The following FSTL5 variants were observed in gnomAD, a reference collection of about 807,000 sequenced individuals.
FSTL5 encodes the protein follistatin like 5.
FSTL5 carries 62 observed loss-of-function variants against 89.1 expected under a neutral mutation model. The observed-to-expected ratio is 0.70, with a 90% confidence interval of 0.57 to 0.86. The LOEUF (loss-of-function observed/expected upper bound fraction) is 0.86. Ranked by LOEUF, FSTL5 falls within the 40% of genes least tolerant of loss-of-function variation. The pLI is 0.00. For missense variants in FSTL5, 1,057 were observed against 1,001.6 expected, an observed-to-expected ratio of 1.06 and a Z score of -0.75; for synonymous variants, 383 against 346.2, an observed-to-expected ratio of 1.11 and a Z score of -1.18.
Position 161,607,373 on chromosome 4 carries a change from T to C in FSTL5, c.895-19798A>G, listed in dbSNP as rs1009563896. The stretch of plus-strand genomic sequence containing the variant: ...CTGCCTTTTTTAAGTCAGGAGAGAA[T>C]TGGGAGTTTTGCTGTGCTAATTGCA... On this transcript the variant is annotated intron_variant, in intron 7 of 15. Transcript: ENST00000306100. Among the ~76,000 whole-genome samples the C allele has an allele frequency of 4.6e-5, 7 of 152,144 alleles. No homozygotes were observed. In the South Asian group the frequency reaches 8.3e-4, roughly 18 times the overall value.
At chr4:161,929,834 AG>A (rs1734238258) in intron 3 of FSTL5, among the ~76,000 whole-genome samples, 1 of 151,712 alleles carries the variant, frequency 6.6e-6, no homozygotes, top group African/African-American at 2.4e-5. Context: ...GGCTTCCCTC[AG>A]TCTCTCTGAC....
At chr4:161,677,779 T>C (rs753152233) in intron 6 of FSTL5, among the ~76,000 whole-genome samples, 1 of 151,946 alleles carries the variant, frequency 6.6e-6, no homozygotes, top group Non-Finnish European at 1.5e-5. Context: ...ACAATTATGT[T>C]GTAAAATAAA....
chr4:161,925,631 A>G (rs1734099826), intron 3 of FSTL5, among the ~76,000 whole-genome samples: 1 of 151,896 alleles, frequency 6.6e-6, no homozygotes, highest in South Asian at 2.1e-4. Context: ...TAAGAATATT[A>G]AGTAGAATAA....
chr4:161,571,544 A>T (rs1733010548), intron 8 of FSTL5, among the ~76,000 whole-genome samples: 2 of 152,180 alleles, frequency 1.3e-5, no homozygotes, highest in South Asian at 4.1e-4. Context: ...AATTAAGAAA[A>T]ATAGAGCATT....
chr4:161,666,052 C>CT (rs1380414876), intron 6 of FSTL5, among the ~76,000 whole-genome samples: 2 of 152,016 alleles, frequency 1.3e-5, no homozygotes, highest in Non-Finnish European at 2.9e-5. Context: ...TGACTTATAA[C>CT]TTTGACAACA....
At chr4:161,682,308 T>A (rs1737552450) in intron 6 of FSTL5, among the ~76,000 whole-genome samples, 1 of 152,160 alleles carries the variant, frequency 6.6e-6, no homozygotes, top group African/African-American at 2.4e-5. Flanking sequence ...CAAAGTTAAT[T>A]AAAACTTTCT....
At chr4:161,986,343 A>G (rs1735963070) in intron 3 of FSTL5, among the ~76,000 whole-genome samples, 1 of 152,146 alleles carries the variant, frequency 6.6e-6, no homozygotes, top group Non-Finnish European at 1.5e-5. Context: ...TAAGGTCAGG[A>G]CTTCAAGACC....
chr4:161,879,267 G>A (rs929291350), intron 4 of FSTL5, among the ~76,000 whole-genome samples: 9 of 152,068 alleles, frequency 5.9e-5, no homozygotes, highest in African/African-American at 2.2e-4. Flanking sequence ...CTATAAAATT[G>A]CTTTAAACAA....
At chr4:161,848,692 T>C (rs1351396186) in intron 4 of FSTL5, among the ~76,000 whole-genome samples, 1 of 152,182 alleles carries the variant, frequency 6.6e-6, no homozygotes, top group Non-Finnish European at 1.5e-5. Flanking sequence ...AATGTGTTGG[T>C]TCAAACTCTA....
chr4:162,011,506 T>C (rs1043828702), intron 3 of FSTL5, among the ~76,000 whole-genome samples: 4 of 152,120 alleles, frequency 2.6e-5, no homozygotes, highest in East Asian at 3.9e-4. Context: ...CTTTTTTTTT[T>C]CTTTGAGACA....
intron 3 of FSTL5, among the ~76,000 whole-genome samples, chr4:162,007,991 T>C (rs932707831): frequency 1.3e-4 from 19 of 151,806 alleles, no homozygotes; most frequent in Non-Finnish European, 1.3e-4. Context: ...AAGAGGAACT[T>C]TGGACAGTGT....
intron 2 of FSTL5, among the ~76,000 whole-genome samples, chr4:162,051,616 T>C (rs1738380484): frequency 6.6e-6 from 1 of 151,434 alleles, no homozygotes; most frequent in South Asian, 2.1e-4. Context: ...AAAAAACAAT[T>C]GGAGAAATTA....
intron 4 of FSTL5, among the ~76,000 whole-genome samples, chr4:161,788,718 C>T (rs1201341449): frequency 5.3e-5 from 8 of 152,038 alleles, no homozygotes; most frequent in Admixed American, 4.6e-4. Flanking sequence ...AGACCCCGCC[C>T]CTGTCTCTCC....
At chr4:161,464,807 A>C (rs2126421304) in intron 13 of FSTL5, among the ~76,000 whole-genome samples, 1 of 152,218 alleles carries the variant, frequency 6.6e-6, no homozygotes, top group African/African-American at 2.4e-5. Context: ...ATTTTCTTAA[A>C]AAATTTCTCC....
intron 3 of FSTL5, among the ~76,000 whole-genome samples, chr4:161,994,442 C>T (rs112513140): frequency 0.055 from 8,358 of 152,232 alleles, 265 homozygotes; most frequent in Non-Finnish European, 0.077. Context: ...CTGTTAGCTT[C>T]TTGAGAAATC....
intron 10 of FSTL5, among the ~76,000 whole-genome samples, chr4:161,526,806 A>C (rs1731235877): frequency 6.6e-6 from 1 of 151,974 alleles, no homozygotes; most frequent in South Asian, 2.1e-4. Context: ...ATTGATCTAT[A>C]TCTCTGTTTT....
chr4:161,519,448 C>G (rs932102344), intron 10 of FSTL5, among the ~76,000 whole-genome samples: 1 of 152,094 alleles, frequency 6.6e-6, no homozygotes, highest in Non-Finnish European at 1.5e-5. Flanking sequence ...ATGGCCTGAA[C>G]CCGGGAGGTG....
chr4:161,498,960 C>T (rs1030304820), intron 12 of FSTL5, among the ~76,000 whole-genome samples: 2 of 151,898 alleles, frequency 1.3e-5, no homozygotes, highest in African/African-American at 2.4e-5. Flanking sequence ...CAGAACTTTG[C>T]GAGGCCGAGG....
At chr4:161,674,808 G>A (rs1737244617) in intron 6 of FSTL5, among the ~76,000 whole-genome samples, 1 of 152,182 alleles carries the variant, frequency 6.6e-6, no homozygotes. Context: ...ATGCTTTTCA[G>A]TCAAGACATA....
Sources: allele counts gnomAD v4.1 joint callset (sites outside exome capture counted in the v4.1 genomes callset), GRCh38; gene constraint gnomAD v4.1.1; transcripts MANE v1.5; gene names NCBI Gene and HGNC (gene_info 2026-07-23, HGNC 2026-07-21).